GPR155: variants seen among roughly 807,000 people sequenced by gnomAD.
The protein encoded by GPR155 is lysosomal cholesterol signaling protein.
Under a neutral mutation model 93.1 loss-of-function variants are expected in GPR155, and 65 were observed. That is an observed-to-expected ratio of 0.70 (90% CI 0.57 to 0.86). The LOEUF (loss-of-function observed/expected upper bound fraction) is 0.86. GPR155 is among the 40% of genes least tolerant of loss of function. The probability of loss-of-function intolerance (pLI) is 0.00; values close to 1 mark genes in which losing one functional copy is unlikely to be tolerated. For missense variants in GPR155, 838 were observed against 1,034.8 expected (o/e 0.81, Z 2.61); for synonymous variants, 319 against 360.1 (o/e 0.89, Z 1.29).
chr2:174,439,852 C>T lies in GPR155; in HGVS notation c.2312+46G>A, dbSNP rs781014101. 1.3e-5 allele frequency: 20 copies of T among 1,521,782 alleles called. No homozygotes were observed. The South Asian group carries it at 1.9e-4, about 14-fold the overall frequency. The allele number at this position is 1,521,782 out of a possible 1,614,324, so 94.3% of individuals were successfully genotyped here. A position where few individuals can be genotyped will look rare whatever the true frequency, so the allele number is the denominator to read the frequency against. On this transcript the variant is annotated intron_variant, in intron 15 of 15. Coordinates refer to ENST00000392552, the MANE Select transcript of GPR155 (RefSeq NM_152529.7). ...TACAATCCAAAATTAATCAATTAAT[C>T]ATTTAAAATATAATTGTCTAGAACC...
chr2:174,453,609 A>G (rs1455907867), intron 11 of GPR155, 128 bp downstream of exon 11: 3 of 564,792 alleles, frequency 5.3e-6, no homozygotes, highest in Non-Finnish European at 6.4e-6. Context: ...GCAGTGAGCC[A>G]AGATAGCGCC....
Position 174,484,666 on chromosome 2 carries a change from CA to C in GPR155, c.-32+2206del, listed in dbSNP as rs57604374. Among the ~76,000 whole-genome samples, 64 of 152,330 alleles carry C rather than the reference CA, an allele frequency of 4.2e-4. No individual in the cohort carries two copies. In the East Asian group the frequency reaches 0.011, roughly 27 times the overall value. Reference sequence around the variant, plus strand: ...CCTATAGGGATCAGTCATAGCAGCTCACGCCTGTAATCCCAGCATTTTGAGA... The same window carrying C: ...CCTATAGGGATCAGTCATAGCAGCTCCGCCTGTAATCCCAGCATTTTGAGA... On this transcript the variant is annotated intron_variant, in intron 1 of 15. Coordinates refer to ENST00000392552, the MANE Select transcript of GPR155 (RefSeq NM_152529.7).
chr2:174,452,779 G>A (rs1397446074), intron 11 of GPR155, among the ~76,000 whole-genome samples: 1 of 152,068 alleles, frequency 6.6e-6, no homozygotes, highest in East Asian at 1.9e-4. Context: ...CCAAGTAGCT[G>A]GGATTACAGT....
chr2:174,437,577 CTTTT>C (rs397871619), intron 15 of GPR155, among the ~76,000 whole-genome samples: 7,396 of 107,898 alleles, frequency 0.069, 198 homozygotes, highest in Middle Eastern at 0.16. Flanking sequence ...GGCCTAACAC[CTTTT>C]TTTTTTTTTT....
intron 11 of GPR155, among the ~76,000 whole-genome samples, chr2:174,447,091 C>T (rs1687154142): frequency 6.6e-6 from 1 of 151,790 alleles, no homozygotes; most frequent in South Asian, 2.1e-4. Context: ...AATCCCAGCA[C>T]TTTGGGATGC....
intron 11 of GPR155, among the ~76,000 whole-genome samples, chr2:174,446,993 T>TTA (rs889155141): frequency 4.6e-5 from 7 of 152,126 alleles, no homozygotes; most frequent in Non-Finnish European, 7.3e-5. Context: ...CAACAATGTT[T>TTA]TATATATATA....
At chr2:174,461,564 G>A (rs772929301) in intron 8 of GPR155, 24 bp downstream of exon 8, 1 of 1,569,504 alleles carries the variant, frequency 6.4e-7, no homozygotes, top group Non-Finnish European at 8.8e-7. Flanking sequence ...AAAGGTGTAA[G>A]CAAACAGAGA....
At chr2:174,452,939 C>G (rs1319632415) in intron 11 of GPR155, among the ~76,000 whole-genome samples, 1 of 152,248 alleles carries the variant, frequency 6.6e-6, no homozygotes, top group Non-Finnish European at 1.5e-5. Context: ...CGTGAGCCAC[C>G]TTGTCTGGCC....
At chr2:174,473,916 C>T (rs982437019) in intron 2 of GPR155, among the ~76,000 whole-genome samples, 2 of 152,058 alleles carry the variant, frequency 1.3e-5, no homozygotes, top group African/African-American at 4.8e-5. Context: ...GAATTAGGGA[C>T]AGTTGGAAGT....
chr2:174,469,124 C>A, intron 4 of GPR155, 57 bp from the exon 5 acceptor site: 1 of 1,460,140 alleles, frequency 6.8e-7, no homozygotes, highest in Non-Finnish European at 9.5e-7. Flanking sequence ...GTATTTTAAA[C>A]TTTAAATAAC....
intron 2 of GPR155, among the ~76,000 whole-genome samples, chr2:174,475,737 A>G (rs1372588309): frequency 1.3e-5 from 2 of 152,190 alleles, no homozygotes; most frequent in African/African-American, 2.4e-5. Context: ...TTAGATAATT[A>G]TATTTCTGAT....
intron 13 of GPR155, among the ~76,000 whole-genome samples, chr2:174,443,140 C>T (rs577817014): frequency 6.6e-6 from 1 of 152,036 alleles, no homozygotes; most frequent in East Asian, 1.9e-4. Flanking sequence ...AAAATCAGAT[C>T]TTAAACAGTA....
intron 7 of GPR155, among the ~76,000 whole-genome samples, chr2:174,463,238 G>C (rs1687751481): frequency 6.6e-6 from 1 of 151,542 alleles, no homozygotes; most frequent in Non-Finnish European, 1.5e-5. Context: ...AGAGATGGGG[G>C]TCTCACTTTG....
At chr2:174,466,003 T>G (rs1187760963) in intron 6 of GPR155, 101 bp from the exon 7 acceptor site, 12 of 620,902 alleles carry the variant, frequency 1.9e-5, no homozygotes, top group Admixed American at 2.6e-5. Flanking sequence ...TATTCATCTT[T>G]CATTCACAGC....
At chr2:174,478,076 C>A (rs1486686050) in intron 2 of GPR155, among the ~76,000 whole-genome samples, 5 of 152,182 alleles carry the variant, frequency 3.3e-5, no homozygotes, top group Non-Finnish European at 5.9e-5. Context: ...AATTATAGGA[C>A]TTAACTATGC....
chr2:174,467,876 A>G lies in GPR155; in HGVS notation c.1182+1036T>C, dbSNP rs549656983. Among the ~76,000 whole-genome samples the G allele has an allele frequency of 2.7e-4, 41 of 152,038 alleles. 1 individual carries two copies. Among genetic ancestry groups the G allele is most frequent in the Non-Finnish European group, 5.6e-4 (38 of 68,006 alleles). On this transcript the variant is annotated intron_variant, in intron 5 of 15. Transcript: ENST00000392552. ...TCCAGCCACCCAGGTAGCTGGGATT[A>G]CAGATGCATACCACCATGCCTGACT...
intron 4 of GPR155, 142 bp from the exon 5 acceptor site, chr2:174,469,209 T>C: frequency 1.6e-6 from 1 of 630,504 alleles, no homozygotes; most frequent in Non-Finnish European, 2.7e-6. Flanking sequence ...TGTTATCCAA[T>C]ACCATACTTC....
At chr2:174,458,860 G>T (rs1352797530) in intron 10 of GPR155, among the ~76,000 whole-genome samples, 1 of 152,104 alleles carries the variant, frequency 6.6e-6, no homozygotes, top group Non-Finnish European at 1.5e-5. Context: ...GGCCGAGGCG[G>T]GTGGATCACC....
intron 10 of GPR155, among the ~76,000 whole-genome samples, chr2:174,457,828 G>A (rs778977413): frequency 2.0e-5 from 3 of 152,152 alleles, no homozygotes; most frequent in Admixed American, 6.5e-5. Context: ...ATGGCTCACT[G>A]CAGCTTCGAC....
Sources: allele counts gnomAD v4.1 joint callset (sites outside exome capture counted in the v4.1 genomes callset), GRCh38; gene constraint gnomAD v4.1.1; transcripts MANE v1.5; gene names NCBI Gene and HGNC (gene_info 2026-07-23, HGNC 2026-07-21).